DISC1: variants seen among roughly 807,000 people sequenced by gnomAD.
The protein encoded by DISC1 is disrupted in schizophrenia 1 protein.
DISC1 carries 57 observed loss-of-function variants against 84.5 expected under a neutral mutation model. That is an observed-to-expected ratio of 0.67 (90% confidence interval 0.55 to 0.84). DISC1 has a LOEUF of 0.84. Among genes scored for constraint, DISC1 ranks in the 40% least tolerant of loss-of-function variants. The pLI is 0.00. For synonymous variants in DISC1, 411 were observed against 415.2 expected (o/e 0.99, Z 0.12); for missense variants, 1,000 against 1,057.8 (o/e 0.95, Z 0.76).
At chr1:231,649,606 T>C (rs2060443003) in intron 1 of DISC1, among the ~76,000 whole-genome samples, 1 of 152,218 alleles carries the variant, frequency 6.6e-6, no homozygotes, top group Admixed American at 6.5e-5. Context: ...AAGTCCTGGA[T>C]ATCCTTTTAA....
intron 9 of DISC1, chr1:231,866,767 T>G: frequency 8.0e-7 from 1 of 1,255,976 alleles, no homozygotes; most frequent in Non-Finnish European, 1.0e-6. Context: ...CTTTCAACCT[T>G]GACGAAAGGG....
rs539167370 is a variant in DISC1 at position 231,774,257 on chromosome 1, GA to G, written c.1634+3197del. Among the ~76,000 whole-genome samples the G allele has an allele frequency of 4.6e-4, 66 of 144,678 alleles. No individual in the cohort carries two copies. The South Asian group carries it at 5.3e-3, about 12-fold the overall frequency. The allele number at this position is 144,678 out of a possible 152,430, so 94.9% of individuals were successfully genotyped here. On this transcript the variant is annotated intron_variant, in intron 6 of 12. Coordinates refer to ENST00000439617, the MANE Select transcript of DISC1 (RefSeq NM_018662.3). Reference sequence around the variant, plus strand: ...CAACAGAGCAAGACCCTGACTCAAAGAAAAAAAAAAGGAATGTAAGGACGAA... The same window carrying G: ...CAACAGAGCAAGACCCTGACTCAAAGAAAAAAAAAGGAATGTAAGGACGAA...
At position 231,771,233 on chromosome 1, in the gene DISC1, G is replaced by A. The variant is rs1023011641; in HGVS notation, c.1634+163G>A. On this transcript the variant is annotated intron_variant, in intron 6 of 12. Coordinates refer to ENST00000439617, the MANE Select transcript of DISC1 (RefSeq NM_018662.3). ...TGGGTGGGAAAATTCTTCACGGTGT[G>A]GGGCAGTCCTGAACATTGCAAGTTA... is the stretch of plus-strand genomic sequence containing the variant. The A allele has an allele frequency of 9.1e-6, 9 of 984,950 alleles. No individual in the cohort carries two copies. In the African/African-American group the frequency reaches 1.6e-4, roughly 17 times the overall value. 61.0% of individuals were successfully genotyped at this position (984,950 alleles called of 1,614,324 possible).
chr1:231,711,523 C>A (rs892077887), intron 3 of DISC1, among the ~76,000 whole-genome samples: 20 of 150,734 alleles, frequency 1.3e-4, no homozygotes, highest in Non-Finnish European at 2.5e-4. Flanking sequence ...CCATGCCTGG[C>A]TAATTTTTTT....
At chr1:231,785,769 G>T (rs1335390565) in intron 6 of DISC1, among the ~76,000 whole-genome samples, 1 of 152,150 alleles carries the variant, frequency 6.6e-6, no homozygotes, top group Non-Finnish European at 1.5e-5. Context: ...TAGAGAGAAG[G>T]CTGTGCAGAG....
At chr1:231,634,628 T>A (rs1423173365) in intron 1 of DISC1, among the ~76,000 whole-genome samples, 1 of 152,232 alleles carries the variant, frequency 6.6e-6, no homozygotes, top group Non-Finnish European at 1.5e-5. Flanking sequence ...TTCCTTAGTT[T>A]ATAGAATTAT....
intron 9 of DISC1, among the ~76,000 whole-genome samples, chr1:231,852,479 CT>C (rs1398981718): frequency 6.6e-6 from 1 of 152,192 alleles, no homozygotes; most frequent in Non-Finnish European, 1.5e-5. Flanking sequence ...TTCTATGCAT[CT>C]TTCTTAAACA....
At chr1:231,723,845 A>G in intron 3 of DISC1, 5 of 985,334 alleles carry the variant, frequency 5.1e-6, no homozygotes, top group Non-Finnish European at 6.0e-6. Flanking sequence ...GGTGGGCTAC[A>G]TCTTCTTACC....
chr1:231,802,270 C>T (rs1007157821), intron 8 of DISC1, among the ~76,000 whole-genome samples: 1 of 152,036 alleles, frequency 6.6e-6, no homozygotes, highest in Non-Finnish European at 1.5e-5. Context: ...GCGGTTTCCC[C>T]CATGCTGTTT....
chr1:231,730,648 A>T (rs1490114128), intron 3 of DISC1, among the ~76,000 whole-genome samples: 2 of 152,244 alleles, frequency 1.3e-5, no homozygotes, highest in Non-Finnish European at 2.9e-5. Context: ...GTTGGATGAT[A>T]GCTTGCCAGA....
Position 232,015,955 on chromosome 1 carries a change from TAGTG to T in DISC1, c.2307+6909_2307+6912del, listed in dbSNP as rs1445717409. Among the ~76,000 whole-genome samples the T allele has an allele frequency of 2.0e-5, 3 of 152,102 alleles. No individual in the cohort carries two copies. In the East Asian group the frequency reaches 5.8e-4, roughly 29 times the overall value. ...ACCTCAGGCCAACAAGCTTGGGTAA[TAGTG>T]AGAGAAAAGAAGAGTGGTCCTTTGC... On this transcript the variant is annotated intron_variant, in intron 11 of 12. Transcript: ENST00000439617.
intron 6 of DISC1, among the ~76,000 whole-genome samples, chr1:231,791,738 T>C (rs532221117): frequency 6.6e-6 from 1 of 152,288 alleles, no homozygotes; most frequent in Non-Finnish European, 1.5e-5. Context: ...TTTTAAAAAG[T>C]GGGGATTGGT....
Position 231,694,618 on chromosome 1 carries a change from C to T in DISC1, c.860C>T (p.Pro287Leu), listed in dbSNP as rs146244276. The change falls in exon 2 of 13, where the codon CCA (proline) becomes CTA (leucine). Residue 287 changes from proline (P) to leucine (L), a missense_variant. By Grantham distance (98) the Pro-to-Leu change is moderately conservative. Transcript: ENST00000439617. ...LAQAARNSSR[P>L]ERDMHSLPDM... The stretch of plus-strand genomic sequence containing the variant: ...CAGGCCGCAAGGAACAGCTCCAGGC[C>T]AGAGCGTGACATGCATTCTTTACCA... The T allele has an allele frequency of 1.1e-3, 1,734 of 1,614,272 alleles. 1 individual carries two copies. The highest frequency in any genetic ancestry group is 1.3e-3 in the Admixed American group (78 of 60,034).
rs1273724807 is a variant in DISC1 at position 231,886,758 on chromosome 1, C to CCTTT, written c.1981+68244_1981+68245insTCTT. Among the ~76,000 whole-genome samples the CCTTT allele has an allele frequency of 4.5e-3, 427 of 95,830 alleles. 2 individuals are homozygous for CCTTT. Among genetic ancestry groups the CCTTT allele is most frequent in the African/African-American group, 0.015 (401 of 26,052 alleles). The allele number at this position is 95,830 out of a possible 152,430, so 62.9% of individuals were successfully genotyped here. ...CTTTCTTTCTCTTTCTTCCTTTCTTCCTTCCTTCCTTTCTTTCTTTCTTTC... is the reference window on the plus strand; with the variant it reads ...CTTTCTTTCTCTTTCTTCCTTTCTTCCTTTCTTCCTTCCTTTCTTTCTTTCTTTC... On this transcript the variant is annotated intron_variant, in intron 9 of 12. Coordinates refer to ENST00000439617, the MANE Select transcript of DISC1 (RefSeq NM_018662.3).
At chr1:231,791,654 T>G (rs2078362074) in intron 6 of DISC1, among the ~76,000 whole-genome samples, 1 of 152,222 alleles carries the variant, frequency 6.6e-6, no homozygotes, top group African/African-American at 2.4e-5. Flanking sequence ...TTTGGACAAA[T>G]TGTGTGTTTC....
intron 1 of DISC1, among the ~76,000 whole-genome samples, chr1:231,673,107 CT>C (rs1439127684): frequency 1.3e-5 from 2 of 152,240 alleles, no homozygotes; most frequent in African/African-American, 4.8e-5. Flanking sequence ...TTGAAGCCAG[CT>C]CTAATTCTGT....
At chr1:231,733,013 G>T (rs925848126) in intron 3 of DISC1, among the ~76,000 whole-genome samples, 5 of 121,140 alleles carry the variant, frequency 4.1e-5, no homozygotes, top group African/African-American at 1.4e-4. Flanking sequence ...TAGCAGTGTT[G>T]TTGGTAATGG....
At chr1:231,632,747 C>CT (rs955305055) in intron 1 of DISC1, among the ~76,000 whole-genome samples, 2 of 151,910 alleles carry the variant, frequency 1.3e-5, no homozygotes, top group Admixed American at 6.6e-5. Context: ...AACTGAATCC[C>CT]TTTTTTTTGA....
rs537340962 is a variant in DISC1, at chr1:231,868,180, G to A, written c.1981+49663G>A. Among the ~76,000 whole-genome samples, 6 of 152,270 alleles carry A rather than the reference G, an allele frequency of 3.9e-5. No individual in the cohort carries two copies. The South Asian group carries it at 1.2e-3, about 32-fold the overall frequency. ...TCAGGTGGGCAAAGGAGAGTGCTCG[G>A]TAGCACCTGCCCCAAACCCTCCGTT... On this transcript the variant is annotated intron_variant, in intron 9 of 12. Coordinates refer to ENST00000439617, the MANE Select transcript of DISC1 (RefSeq NM_018662.3).
Sources: allele counts gnomAD v4.1 joint callset (sites outside exome capture counted in the v4.1 genomes callset), GRCh38; gene constraint gnomAD v4.1.1; transcripts MANE v1.5; gene names NCBI Gene and HGNC (gene_info 2026-07-23, HGNC 2026-07-21).